Variants in PKHD1 observed in about 807,000 individuals in gnomAD.
PKHD1 encodes the protein fibrocystin.
A neutral mutation model predicts 412.0 loss-of-function variants in PKHD1; 291 were observed. That is an observed-to-expected ratio of 0.71 (90% CI 0.64 to 0.78). PKHD1 has a LOEUF of 0.78. PKHD1 is among the 30% of genes least tolerant of loss of function. The pLI is 0.00. For synonymous variants in PKHD1, 1,777 were observed against 1,821.5 expected (o/e 0.98, Z 0.62); for missense variants, 4,825 against 4,950.7 (o/e 0.97, Z 0.76).
At chr6:51,824,353 T>G (rs1466722802) in intron 52 of PKHD1, among the ~76,000 whole-genome samples, 1 of 152,180 alleles carries the variant, frequency 6.6e-6, no homozygotes, top group African/African-American at 2.4e-5. Flanking sequence ...ATTTGATATA[T>G]GAAAAGTTTA....
chr6:51,810,229 C>T (rs746519653), intron 52 of PKHD1, among the ~76,000 whole-genome samples: 1 of 152,032 alleles, frequency 6.6e-6, no homozygotes, highest in Non-Finnish European at 1.5e-5. Context: ...CTCGATACTA[C>T]CATGTAAACA....
At chr6:51,690,925 G>C (rs1268918655) in intron 60 of PKHD1, among the ~76,000 whole-genome samples, 1 of 151,968 alleles carries the variant, frequency 6.6e-6, no homozygotes, top group Non-Finnish European at 1.5e-5. Context: ...TCTGACAAAG[G>C]TCTAATATCC....
At chr6:51,912,064 T>C in intron 38 of PKHD1, 108 bp from the exon 39 acceptor site, 4 of 928,980 alleles carry the variant, frequency 4.3e-6, no homozygotes, top group Non-Finnish European at 6.7e-6. Flanking sequence ...CTATTCATGT[T>C]TCTTTAGAAA....
rs192769565 is a variant in PKHD1 at position 52,059,960 on chromosome 6, G to T, written c.1201C>A (p.His401Asn). 1.3e-4 allele frequency: 201 copies of T among 1,601,112 alleles called. 2 individuals are homozygous for T. The highest frequency in any genetic ancestry group is 4.8e-4 in the Admixed American group (29 of 60,002). The part of the protein sequence containing the change: ...WIQADSQASL[H>N]FSWSEEPRTK... ...CTTGGTTCCTCTGACCAACTGAAATGCAAGGAAGCTTGGCTATCTGCCTGA... is the reference window on the plus strand; with the variant it reads ...CTTGGTTCCTCTGACCAACTGAAATTCAAGGAAGCTTGGCTATCTGCCTGA... The change falls in exon 15 of 67, where the codon CAT becomes AAT. Residue 401 changes from histidine to asparagine, a missense_variant. By Grantham distance (68) the His-to-Asn change is moderately conservative. Coordinates refer to ENST00000371117, the MANE Select transcript of PKHD1 (RefSeq NM_138694.4).
chr6:51,627,072 T>C lies in PKHD1; in HGVS notation c.11710A>G (p.Asn3904Asp), dbSNP rs1767335137. 6.2e-7 allele frequency: 1 copy of C among 1,610,636 alleles called. No individual in the cohort carries two copies. The highest frequency in any genetic ancestry group is 1.7e-5 in the Admixed American group (1 of 59,954). The change falls in exon 66 of 67, where the codon AAT (asparagine) becomes GAT (aspartate). Residue 3904 changes from asparagine (N) to aspartate (D), a missense_variant. By Grantham distance (23) the Asn-to-Asp change is conservative. Transcript: ENST00000371117. ...EIPESQTNNQNIHIHISSKRR... is the reference protein window; with the variant it reads ...EIPESQTNNQDIHIHISSKRR... Reference sequence around the variant, plus strand: ...TTGGATGAGATGTGGATATGAATATTTTGATTATTAGTCTGGGATTCAGGA... The same window carrying C: ...TTGGATGAGATGTGGATATGAATATCTTGATTATTAGTCTGGGATTCAGGA...
chr6:51,944,740 C>T (rs1264168985), intron 36 of PKHD1, among the ~76,000 whole-genome samples: 2 of 152,208 alleles, frequency 1.3e-5, no homozygotes, highest in African/African-American at 2.4e-5. Context: ...CAGTTAAATG[C>T]TTTCTTTACT....
chr6:51,907,048 A>AT (rs1782213087), intron 40 of PKHD1, among the ~76,000 whole-genome samples: 1 of 152,164 alleles, frequency 6.6e-6, no homozygotes, highest in Non-Finnish European at 1.5e-5. Context: ...GGAATTGTGC[A>AT]TTGCATTGTG....
At chr6:51,746,678 G>T in intron 59 of PKHD1, 43 bp downstream of exon 59, 1 of 1,241,396 alleles carries the variant, frequency 8.1e-7, no homozygotes, top group Non-Finnish European at 1.2e-6. Context: ...GAATTGCCAA[G>T]TACTTCATAA....
intron 36 of PKHD1, among the ~76,000 whole-genome samples, chr6:51,940,182 C>T (rs989274835): frequency 6.6e-6 from 1 of 151,682 alleles, no homozygotes; most frequent in African/African-American, 2.4e-5. Context: ...TCTCAATATA[C>T]ATTTTATTAC....
chr6:51,631,605 G>C (rs901035811), intron 65 of PKHD1, among the ~76,000 whole-genome samples: 2 of 151,962 alleles, frequency 1.3e-5, no homozygotes, highest in South Asian at 4.2e-4. Flanking sequence ...TGGTTTTGTA[G>C]AGCCTCCTAG....
At chr6:51,721,961 GT>G in intron 60 of PKHD1, 1 of 1,613,346 alleles carries the variant, frequency 6.2e-7, no homozygotes, top group Non-Finnish European at 8.5e-7. Context: ...ATCTTTCAAA[GT>G]TCAGCTTCCT....
In PKHD1 at chr6:51,901,871, G is replaced by A. The variant is rs75016976; in HGVS notation, c.6996+1726C>T. Among the ~76,000 whole-genome samples, 390 of 152,236 alleles carry A rather than the reference G, an allele frequency of 2.6e-3. 3 individuals are homozygous for A. Among genetic ancestry groups the A allele is most frequent in the African/African-American group, 8.3e-3 (343 of 41,562 alleles). On this transcript the variant is annotated intron_variant, in intron 43 of 66. Transcript: ENST00000371117. ...AAGTAAATGAAGGGAAATGGAAAGC[G>A]TTGGAGGGAGAGCAAGCAGCTAGTT... is the stretch of plus-strand genomic sequence containing the variant.
intron 35 of PKHD1, among the ~76,000 whole-genome samples, chr6:51,973,704 A>G (rs1023679279): frequency 9.2e-5 from 14 of 152,218 alleles, no homozygotes; most frequent in African/African-American, 2.9e-4. Context: ...CATTTTCCAG[A>G]ATTCTCCCAA....
At chr6:51,939,600 T>C (rs1467939069) in intron 36 of PKHD1, among the ~76,000 whole-genome samples, 2 of 151,676 alleles carry the variant, frequency 1.3e-5, no homozygotes, top group African/African-American at 4.8e-5. Flanking sequence ...CTACAAGATC[T>C]AGATAATTCT....
intron 64 of PKHD1, among the ~76,000 whole-genome samples, chr6:51,638,521 T>G (rs1274044614): frequency 6.6e-6 from 1 of 152,108 alleles, no homozygotes; most frequent in South Asian, 2.1e-4. Flanking sequence ...ACTCTCTTTC[T>G]TATAAATTAA....
In PKHD1 at chr6:52,064,942, G is replaced by T. The variant is rs775214256; in HGVS notation, c.976+13C>A. 1.3e-6 allele frequency: 2 copies of T among 1,495,042 alleles called. No homozygotes were observed. The highest frequency in any genetic ancestry group is 2.3e-5 in the South Asian group (2 of 88,626). The allele number at this position is 1,495,042 out of a possible 1,614,324, so 92.6% of individuals were successfully genotyped here. A position where few individuals can be genotyped will look rare whatever the true frequency, so the allele number is the denominator to read the frequency against. ...ATTCAGAGTTTATTGAACAGCCCTG[G>T]TGGCTTCCTTACCTGGCTGAGGGGT... On this transcript the variant is annotated intron_variant, in intron 13 of 66. Coordinates refer to ENST00000371117, the MANE Select transcript of PKHD1 (RefSeq NM_138694.4).
intron 23 of PKHD1, 58 bp from the exon 24 acceptor site, chr6:52,046,246 G>A: frequency 1.5e-6 from 2 of 1,293,520 alleles, no homozygotes; most frequent in Non-Finnish European, 2.3e-6. Context: ...ACCTTACAGA[G>A]TTTCATCCTC....
intron 51 of PKHD1, among the ~76,000 whole-genome samples, chr6:51,834,052 C>A (rs967487692): frequency 6.6e-6 from 1 of 152,158 alleles, no homozygotes; most frequent in African/African-American, 2.4e-5. Context: ...CACCTTTGCT[C>A]TTCATCAACC....
intron 1 of PKHD1, among the ~76,000 whole-genome samples, chr6:52,087,168 A>G (rs1812915965): frequency 6.6e-6 from 1 of 152,222 alleles, no homozygotes; most frequent in African/African-American, 2.4e-5. Flanking sequence ...ATTTCTCATA[A>G]CTAAAATTTT....
Sources: gnomAD v4.1 joint callset for allele counts (sites outside exome capture counted in the v4.1 genomes callset) on GRCh38, gnomAD v4.1.1 for gene constraint, MANE v1.5 for transcripts, NCBI Gene and HGNC (gene_info 2026-07-23, HGNC 2026-07-21) for gene names.